Variants in MIER1 observed in about 807,000 individuals in gnomAD.
The protein encoded by MIER1 is MIER1 transcriptional regulator, also known as mesoderm induction early response protein 1.
In MIER1, 40 loss-of-function variants were observed where a neutral mutation model predicts 75.7. The observed-to-expected ratio is 0.53, with a 90% confidence interval of 0.41 to 0.69. The LOEUF is 0.69. Ranked by LOEUF, MIER1 falls within the 30% of genes least tolerant of loss-of-function variation. MIER1 has a pLI of 0.00. For missense variants in MIER1, 574 were observed against 680.2 expected (o/e 0.84, Z 1.74); for synonymous variants, 213 against 223.4 (o/e 0.95, Z 0.42).
chr1:66,931,587 C>T (rs1460758101), intron 2 of MIER1, among the ~76,000 whole-genome samples: 1 of 152,082 alleles, frequency 6.6e-6, no homozygotes, highest in Admixed American at 6.5e-5. Context: ...CTTTTTAAAA[C>T]ATTCAATATC....
rs368673064 is a variant in MIER1 at position 66,964,009 on chromosome 1, CCATTT to C, written c.772+860_772+864del. Among the ~76,000 whole-genome samples, 78 of 149,508 alleles carry C rather than the reference CCATTT, an allele frequency of 5.2e-4. 1 individual carries two copies. In the South Asian group the frequency reaches 0.016, roughly 32 times the overall value. On this transcript the variant is annotated intron_variant, in intron 8 of 13. Transcript: ENST00000401041. Reference sequence around the variant, plus strand: ...TTAAATTTTACATGTTTTTTTTTTTCCATTTCATTTCATTTGAAAGTCCTGAAGTA... The same window carrying C: ...TTAAATTTTACATGTTTTTTTTTTTCCATTTCATTTGAAAGTCCTGAAGTA...
Position 66,947,765 on chromosome 1 carries a change from G to T in MIER1, c.339+1470G>T, listed in dbSNP as rs756211139. On this transcript the variant is annotated intron_variant, in intron 4 of 13. Coordinates refer to ENST00000401041, the MANE Select transcript of MIER1 (RefSeq NM_001077700.3). ...CCAAACTCCTCAACCAGGCCAGCAA[G>T]GCCACCTGCATGATAATGGCCTCTT... 33 of 202,426 alleles carry T rather than the reference G, an allele frequency of 1.6e-4. No homozygotes were observed. The Middle Eastern group carries it at 0.01, about 64-fold the overall frequency. 12.5% of individuals were successfully genotyped at this position (202,426 alleles called of 1,614,324 possible). A position where few individuals can be genotyped will look rare whatever the true frequency, so the allele number is the denominator to read the frequency against.
intron 11 of MIER1, among the ~76,000 whole-genome samples, chr1:66,975,990 T>TTG (rs537234620): frequency 2.7e-3 from 410 of 151,754 alleles, no homozygotes; most frequent in East Asian, 6.0e-3. Context: ...GGCCTTTTTT[T>TTG]TGTGTGTGTG....
chr1:66,930,192 C>T, intron 2 of MIER1: 1 of 1,363,562 alleles, frequency 7.3e-7, no homozygotes, highest in Non-Finnish European at 9.4e-7. Flanking sequence ...CCAGTCCAGC[C>T]CAGCCGGGGC....
chr1:66,930,240 C>G, intron 2 of MIER1: 1 of 1,453,188 alleles, frequency 6.9e-7, no homozygotes, highest in Non-Finnish European at 9.1e-7. Flanking sequence ...TGGGCGCGCT[C>G]GGGCGGCTCC....
intron 2 of MIER1, among the ~76,000 whole-genome samples, chr1:66,932,370 T>C (rs1653637157): frequency 6.6e-6 from 1 of 152,230 alleles, no homozygotes; most frequent in Non-Finnish European, 1.5e-5. Flanking sequence ...CTTTAAACAA[T>C]TTATCTTCTA....
intron 6 of MIER1, 41 bp downstream of exon 6, chr1:66,959,024 C>G: frequency 6.4e-7 from 1 of 1,557,188 alleles, no homozygotes. Context: ...ATAATTTTTA[C>G]TATTTTAGGT....
At chr1:66,935,244 T>A (rs1243651801) in intron 2 of MIER1, among the ~76,000 whole-genome samples, 1 of 152,212 alleles carries the variant, frequency 6.6e-6, no homozygotes, top group Non-Finnish European at 1.5e-5. Context: ...AAGAGAATTA[T>A]TTCAGCAAAT....
rs1176310982 is a variant in MIER1, at chr1:66,925,088, C to T, written c.60C>T (p.Gly20=). ...GSSEGGGGSS[G]SGYGVVARFS... ...GCGAAGGTGGCGGCGGCAGCAGCGG[C>T]AGCGGCTGTAAGTGCAGCCTCCACA... Residue 20 remains glycine, a synonymous_variant, in exon 1 of 14, where the codon GGC becomes GGT. Coordinates refer to ENST00000401041, the MANE Select transcript of MIER1 (RefSeq NM_001077700.3). 9.0e-6 allele frequency: 14 copies of T among 1,547,814 alleles called. No individual in the cohort carries two copies. Among genetic ancestry groups the T allele is most frequent in the East Asian group, 2.4e-5 (1 of 40,924 alleles).
chr1:66,930,598 C>A (rs1201325216), intron 2 of MIER1, among the ~76,000 whole-genome samples: 1 of 151,466 alleles, frequency 6.6e-6, no homozygotes, highest in Non-Finnish European at 1.5e-5. Flanking sequence ...TAGGAGGAAG[C>A]GGAGGCGTAC....
intron 8 of MIER1, 26 bp downstream of exon 8, chr1:66,963,186 C>T (rs569739121): frequency 1.2e-5 from 16 of 1,388,472 alleles, no homozygotes; most frequent in Admixed American, 8.4e-5. Context: ...AGTTACGTAG[C>T]TGAATTTATG....
Position 66,985,347 on chromosome 1 carries a change from A to G in MIER1, c.*447A>G, listed in dbSNP as rs1024076435. The G allele has an allele frequency of 1.0e-6, 1 of 985,504 alleles. No individual in the cohort carries two copies. The highest frequency in any genetic ancestry group is 1.2e-6 in the Non-Finnish European group (1 of 829,892). 61.0% of individuals were successfully genotyped at this position (985,504 alleles called of 1,614,324 possible). A position where few individuals can be genotyped will look rare whatever the true frequency, so the allele number is the denominator to read the frequency against. On this transcript the variant is annotated 3_prime_UTR_variant, in exon 14 of 14. Coordinates refer to ENST00000401041, the MANE Select transcript of MIER1 (RefSeq NM_001077700.3). ...TACCAATTTCTCTGAGTTTCTTGAA[A>G]TGTCTTTAAAACAGACATTTTTCTC...
At chr1:66,964,533 A>G (rs1052965974) in intron 8 of MIER1, among the ~76,000 whole-genome samples, 16 of 150,190 alleles carry the variant, frequency 1.1e-4, no homozygotes, top group South Asian at 8.4e-4. Context: ...GCTCACTGCA[A>G]CTTTCGCCTC....
At chr1:66,964,557 G>T (rs190652894) in intron 8 of MIER1, among the ~76,000 whole-genome samples, 5 of 148,788 alleles carry the variant, frequency 3.4e-5, no homozygotes, top group Admixed American at 1.3e-4. Context: ...GGTTCAAGCA[G>T]TTCTCCTGCC....
intron 7 of MIER1, among the ~76,000 whole-genome samples, chr1:66,962,637 A>G: frequency 6.6e-6 from 1 of 152,036 alleles, no homozygotes; most frequent in East Asian, 1.9e-4. Flanking sequence ...AGCCATGATC[A>G]CTCCAGCCTA....
At chr1:66,978,067 A>T (rs1365328284) in intron 12 of MIER1, among the ~76,000 whole-genome samples, 3 of 151,920 alleles carry the variant, frequency 2.0e-5, no homozygotes, top group African/African-American at 7.3e-5. Context: ...GTGGTGGTGC[A>T]CGCCTATAGT....
chr1:66,955,243 T>C (rs933166512), intron 4 of MIER1, among the ~76,000 whole-genome samples: 1 of 151,642 alleles, frequency 6.6e-6, no homozygotes, highest in Non-Finnish European at 1.5e-5. Context: ...TTACCTCCCA[T>C]TGGAAAGGGT....
intron 11 of MIER1, among the ~76,000 whole-genome samples, chr1:66,976,059 C>T (rs1022752574): frequency 6.6e-6 from 1 of 152,090 alleles, no homozygotes; most frequent in African/African-American, 2.4e-5. Flanking sequence ...GTGATCTCAG[C>T]TTAATGCAGC....
chr1:66,971,888 T>TA (rs1357746558), intron 10 of MIER1, 152 bp downstream of exon 10: 1 of 476,612 alleles, frequency 2.1e-6, no homozygotes, highest in Non-Finnish European at 3.7e-6. Context: ...AACAAATCGT[T>TA]ACGGGGAGTG....
Sources: gnomAD v4.1 joint callset for allele counts (sites outside exome capture counted in the v4.1 genomes callset) on GRCh38, gnomAD v4.1.1 for gene constraint, MANE v1.5 for transcripts, NCBI Gene and HGNC (gene_info 2026-07-23, HGNC 2026-07-21) for gene names.